GRID2: variants seen among roughly 807,000 people sequenced by gnomAD.
The protein encoded by GRID2 is glutamate ionotropic receptor delta type subunit 2.
GRID2 carries 33 observed loss-of-function variants against 114.8 expected under a neutral mutation model. That is an observed-to-expected ratio of 0.29 (90% CI 0.22 to 0.38). The LOEUF (loss-of-function observed/expected upper bound fraction) is 0.38. Ranked by LOEUF, GRID2 falls within the 10% of genes least tolerant of loss-of-function variation. The pLI, the probability that GRID2 is intolerant of heterozygous loss-of-function variation, is 1.00. For synonymous variants in GRID2, 505 were observed against 449.9 expected (o/e 1.12, Z -1.55); for missense variants, 1,184 against 1,257.7 (o/e 0.94, Z 0.89).
At chr4:93,792,137 CATA>C (rs1201776453) in intron 1 of GRID2, among the ~76,000 whole-genome samples, 1 of 152,048 alleles carries the variant, frequency 6.6e-6, no homozygotes, top group Non-Finnish European at 1.5e-5. Context: ...TTCATATATT[CATA>C]ATTTCTAAAT....
intron 2 of GRID2, among the ~76,000 whole-genome samples, chr4:93,031,299 C>T (rs1291992318): frequency 6.6e-6 from 1 of 152,084 alleles, no homozygotes; most frequent in Non-Finnish European, 1.5e-5. Flanking sequence ...CTGCCTCGGC[C>T]TCCCAAAGTG....
intron 2 of GRID2, among the ~76,000 whole-genome samples, chr4:92,739,736 GAGAAA>G (rs1176312381): frequency 1.3e-5 from 2 of 152,018 alleles, no homozygotes; most frequent in Non-Finnish European, 2.9e-5. Context: ...AATCACAAAG[GAGAAA>G]AGAAGTTATA....
chr4:92,875,867 T>C (rs1745591743), intron 2 of GRID2, among the ~76,000 whole-genome samples: 1 of 152,168 alleles, frequency 6.6e-6, no homozygotes, highest in Non-Finnish European at 1.5e-5. Context: ...ACTGAAGACT[T>C]ACAACATGTG....
intron 2 of GRID2, among the ~76,000 whole-genome samples, chr4:92,719,111 C>T (rs2149316029): frequency 6.6e-6 from 1 of 151,984 alleles, no homozygotes; most frequent in East Asian, 1.9e-4. Context: ...CTCAGCCACC[C>T]AAGTATCTGG....
chr4:92,698,035 G>C (rs540347099), intron 2 of GRID2, among the ~76,000 whole-genome samples: 1 of 152,228 alleles, frequency 6.6e-6, no homozygotes, highest in South Asian at 2.1e-4. Context: ...TCTGAAAAAA[G>C]TTACTGTGTA....
chr4:93,234,196 C>T (rs529716296), intron 7 of GRID2, among the ~76,000 whole-genome samples: 25 of 152,076 alleles, frequency 1.6e-4, no homozygotes, highest in African/African-American at 5.1e-4. Flanking sequence ...TCCATGCTCT[C>T]GGTATAGGCC....
At chr4:93,633,917 C>A (rs1315524005) in intron 14 of GRID2, among the ~76,000 whole-genome samples, 1 of 152,128 alleles carries the variant, frequency 6.6e-6, no homozygotes, top group African/African-American at 2.4e-5. Flanking sequence ...AAGCAGCCCC[C>A]ATTGATTGCC....
At chr4:92,822,497 C>G (rs1193846796) in intron 2 of GRID2, 2 of 413,978 alleles carry the variant, frequency 4.8e-6, no homozygotes, top group African/African-American at 4.1e-5. Flanking sequence ...TGGCTCTCCA[C>G]CTGGACAGTG....
chr4:92,562,504 A>G (rs1727143206), intron 1 of GRID2, among the ~76,000 whole-genome samples: 1 of 152,218 alleles, frequency 6.6e-6, no homozygotes, highest in Non-Finnish European at 1.5e-5. Flanking sequence ...GAATTTTACT[A>G]TAAATATTTG....
At chr4:92,675,349 A>G (rs1162283314) in intron 2 of GRID2, among the ~76,000 whole-genome samples, 1 of 152,210 alleles carries the variant, frequency 6.6e-6, no homozygotes, top group East Asian at 1.9e-4. Context: ...AAATTGGCCA[A>G]CAATTCAAAA....
intron 13 of GRID2, among the ~76,000 whole-genome samples, chr4:93,522,088 T>TA (rs1730393070): frequency 6.6e-6 from 1 of 152,134 alleles, no homozygotes; most frequent in Non-Finnish European, 1.5e-5. Flanking sequence ...GATTAGGAGA[T>TA]AAGTTATGGC....
chr4:93,057,864 A>T (rs1026990321), intron 2 of GRID2, among the ~76,000 whole-genome samples: 1 of 151,930 alleles, frequency 6.6e-6, no homozygotes, highest in Non-Finnish European at 1.5e-5. Context: ...AATTCCGTCA[A>T]AGTTTCATTT....
chr4:92,950,588 T>A (rs969673984), intron 2 of GRID2, among the ~76,000 whole-genome samples: 3 of 152,152 alleles, frequency 2.0e-5, no homozygotes, highest in African/African-American at 7.2e-5. Flanking sequence ...CAGAAGAAAC[T>A]GGGTTAGTCA....
At chr4:93,733,364 C>G (rs529479640) in intron 14 of GRID2, among the ~76,000 whole-genome samples, 2 of 152,140 alleles carry the variant, frequency 1.3e-5, no homozygotes, top group Non-Finnish European at 2.9e-5. Flanking sequence ...CTTAGACACT[C>G]AAAAGTGCTC....
intron 1 of GRID2, among the ~76,000 whole-genome samples, chr4:92,315,817 A>T (rs2110116605): frequency 6.6e-6 from 1 of 151,888 alleles, no homozygotes; most frequent in African/African-American, 2.4e-5. Context: ...CTAAAAATAC[A>T]AAAATTAACT....
At chr4:93,099,351 G>C (rs1179906679) in intron 3 of GRID2, among the ~76,000 whole-genome samples, 2 of 151,432 alleles carry the variant, frequency 1.3e-5, no homozygotes, top group African/African-American at 4.8e-5. Context: ...ATTTTGTTTT[G>C]GTCAGCTAAA....
chr4:92,770,351 A>G (rs1264219076), intron 2 of GRID2, among the ~76,000 whole-genome samples: 2 of 152,158 alleles, frequency 1.3e-5, no homozygotes, highest in African/African-American at 4.8e-5. Flanking sequence ...GGAAGTTCCA[A>G]ACATTCCCAC....
intron 1 of GRID2, among the ~76,000 whole-genome samples, chr4:92,325,248 C>T (rs764407622): frequency 2.8e-4 from 42 of 151,744 alleles, no homozygotes; most frequent in East Asian, 5.8e-4. Flanking sequence ...CCTTCTTTAC[C>T]GTAGTGTTTT....
chr4:92,989,970 T>C (rs1355151677), intron 2 of GRID2, among the ~76,000 whole-genome samples: 1 of 152,094 alleles, frequency 6.6e-6, no homozygotes, highest in South Asian at 2.1e-4. Context: ...AAGAAAAACC[T>C]AGATGGGAGG....
Sources: allele counts gnomAD v4.1 joint callset (sites outside exome capture counted in the v4.1 genomes callset), GRCh38; gene constraint gnomAD v4.1.1; transcripts MANE v1.5; gene names NCBI Gene and HGNC (gene_info 2026-07-23, HGNC 2026-07-21).